The following TTLL7 variants were observed in gnomAD, a reference collection of about 807,000 sequenced individuals.
TTLL7 encodes the protein tubulin tyrosine ligase like 7.
A neutral mutation model predicts 120.2 loss-of-function variants in TTLL7; 53 were observed. The ratio of observed to expected loss-of-function variants is 0.44; its 90% CI spans 0.35 to 0.55. TTLL7 has a LOEUF of 0.55. TTLL7 is among the 20% of genes least tolerant of loss of function. TTLL7 has a pLI of 0.00. For synonymous variants in TTLL7, 353 were observed against 351.7 expected (o/e 1.00, Z -0.04); for missense variants, 803 against 1,054.7 (o/e 0.76, Z 3.31).
rs770380538 is a variant in TTLL7 at position 83,903,503 on chromosome 1, T to G, written c.2208+576A>C. ...TGGCGTCAGGACCCCCACTCCCAGATAGCAAAATCCATGGATGCTCAAGTC... is the reference window on the plus strand; with the variant it reads ...TGGCGTCAGGACCCCCACTCCCAGAGAGCAAAATCCATGGATGCTCAAGTC... On this transcript the variant is annotated intron_variant, in intron 18 of 20. Transcript: ENST00000260505. Among the ~76,000 whole-genome samples the G allele has an allele frequency of 2.0e-5, 3 of 152,124 alleles. No individual in the cohort carries two copies. The South Asian group carries it at 6.2e-4, about 32-fold the overall frequency.
chr1:83,884,945 A>G (rs1654858599), intron 19 of TTLL7: 2 of 154,850 alleles, frequency 1.3e-5, no homozygotes, highest in African/African-American at 4.8e-5. Flanking sequence ...TATTTAAGAA[A>G]CAGTAATTCG....
At chr1:83,902,405 C>T (rs142222279) in intron 18 of TTLL7, among the ~76,000 whole-genome samples, 46 of 152,054 alleles carry the variant, frequency 3.0e-4, no homozygotes, top group Non-Finnish European at 4.4e-4. Flanking sequence ...CCAAGTTTTA[C>T]TCCCCACCAC....
chr1:83,967,402 A>G (rs1162593283), intron 1 of TTLL7, among the ~76,000 whole-genome samples: 1 of 152,132 alleles, frequency 6.6e-6, no homozygotes. Context: ...AGGCAGCACA[A>G]TTCATTCAGA....
chr1:83,937,746 T>G lies in TTLL7; in HGVS notation c.888+106A>C, dbSNP rs1050184864. On this transcript the variant is annotated intron_variant, in intron 8 of 20. Transcript: ENST00000260505. ...TTTTTCTCTCTGGTCCTCTCAATTA[T>G]AGGGAACCAAGTTCAATCAACTCTT... is the stretch of plus-strand genomic sequence containing the variant. The G allele has an allele frequency of 4.5e-6, 6 of 1,345,382 alleles. No homozygotes were observed. In the Admixed American group the frequency reaches 1.1e-4, roughly 24 times the overall value. The allele number at this position is 1,345,382 out of a possible 1,614,324, so 83.3% of individuals were successfully genotyped here.
chr1:83,892,950 GA>G (rs1553129476), intron 18 of TTLL7, among the ~76,000 whole-genome samples: 10 of 89,244 alleles, frequency 1.1e-4, no homozygotes, highest in East Asian at 5.1e-4. Context: ...AAGAAAGAAA[GA>G]AAAGAATAAA....
chr1:83,952,324 TATC>T lies in TTLL7; in HGVS notation c.-116_-114del, dbSNP rs1416439072. ...ATGGCCCCAAATCACTGAAAGTTCT[TATC>T]ATATTATCTTGGTGGAATCCTCAGA... On this transcript the variant is annotated 5_prime_UTR_variant, in exon 2 of 21. The change abolishes an upstream ATG in the 5' untranslated region. Coordinates refer to ENST00000260505, the MANE Select transcript of TTLL7 (RefSeq NM_024686.6). The T allele has an allele frequency of 4.6e-6, 5 of 1,075,576 alleles. No individual in the cohort carries two copies. Among genetic ancestry groups the T allele is most frequent in the Non-Finnish European group, 6.8e-6 (5 of 740,606 alleles). 66.6% of individuals were successfully genotyped at this position (1,075,576 alleles called of 1,614,324 possible). A position where few individuals can be genotyped will look rare whatever the true frequency, so the allele number is the denominator to read the frequency against.
At chr1:83,986,399 G>A (rs1318934295) in intron 1 of TTLL7, among the ~76,000 whole-genome samples, 1 of 152,124 alleles carries the variant, frequency 6.6e-6, no homozygotes, top group Non-Finnish European at 1.5e-5. Context: ...ACTAAAAAAA[G>A]TATTTGATGT....
At chr1:83,880,961 G>A (rs1654399987) in intron 20 of TTLL7, among the ~76,000 whole-genome samples, 1 of 152,132 alleles carries the variant, frequency 6.6e-6, no homozygotes, top group South Asian at 2.1e-4. Flanking sequence ...TCCGATCTTT[G>A]AGAAACCTGA....
intron 1 of TTLL7, among the ~76,000 whole-genome samples, chr1:83,957,994 G>A (rs1469977303): frequency 6.6e-6 from 1 of 152,106 alleles, no homozygotes; most frequent in Non-Finnish European, 1.5e-5. Context: ...GTCTGCCCCT[G>A]GCTTCACAGA....
chr1:83,964,895 G>A (rs1416474041), intron 1 of TTLL7, among the ~76,000 whole-genome samples: 1 of 151,984 alleles, frequency 6.6e-6, no homozygotes. Context: ...TGCCTCATGG[G>A]ATTTAAATTT....
chr1:83,900,770 C>G (rs1313922942), intron 18 of TTLL7, among the ~76,000 whole-genome samples: 1 of 152,014 alleles, frequency 6.6e-6, no homozygotes, highest in Non-Finnish European at 1.5e-5. Flanking sequence ...ATGAACATGT[C>G]ATTTTAATAG....
chr1:83,916,879 C>T (rs1029740475), intron 14 of TTLL7, among the ~76,000 whole-genome samples: 2 of 151,964 alleles, frequency 1.3e-5, no homozygotes, highest in African/African-American at 4.8e-5. Context: ...CGCCTGAAAC[C>T]AGGGGTTCAA....
chr1:83,901,546 G>A (rs1449003372), intron 18 of TTLL7, among the ~76,000 whole-genome samples: 1 of 151,856 alleles, frequency 6.6e-6, no homozygotes, highest in Non-Finnish European at 1.5e-5. Flanking sequence ...TGGACTTAAG[G>A]AAATTCAGGG....
chr1:83,911,732 A>C (rs1270243239), intron 14 of TTLL7, among the ~76,000 whole-genome samples: 3 of 140,040 alleles, frequency 2.1e-5, no homozygotes, highest in Non-Finnish European at 4.8e-5. Flanking sequence ...ACTCATCAAG[A>C]CTCAGAGATC....
intron 20 of TTLL7, among the ~76,000 whole-genome samples, chr1:83,882,501 A>G (rs1654605805): frequency 6.6e-6 from 1 of 151,990 alleles, no homozygotes; most frequent in East Asian, 1.9e-4. Context: ...CTCATTTTTC[A>G]AATAGAACTT....
intron 18 of TTLL7, among the ~76,000 whole-genome samples, chr1:83,892,837 A>G (rs1655817285): frequency 6.6e-6 from 1 of 151,852 alleles, no homozygotes; most frequent in South Asian, 2.1e-4. Context: ...CATATATATG[A>G]ACACATATAT....
intron 1 of TTLL7, among the ~76,000 whole-genome samples, chr1:83,976,543 T>C (rs981056486): frequency 2.0e-5 from 3 of 152,108 alleles, no homozygotes; most frequent in Non-Finnish European, 4.4e-5. Context: ...AAATTATTAA[T>C]AATGAACTGC....
intron 1 of TTLL7, among the ~76,000 whole-genome samples, chr1:83,987,098 A>T (rs1652531949): frequency 6.6e-6 from 1 of 152,182 alleles, no homozygotes; most frequent in South Asian, 2.1e-4. Context: ...GGAAATGAAA[A>T]TTTAAAACAT....
chr1:83,921,153 C>G lies in TTLL7; in HGVS notation c.1298G>C (p.Arg433Thr). The G allele has an allele frequency of 6.2e-7, 1 of 1,612,222 alleles. No individual in the cohort carries two copies. Among genetic ancestry groups the G allele is most frequent in the Non-Finnish European group, 8.5e-7 (1 of 1,179,426 alleles). The change falls in exon 12 of 21, where the codon AGA (arginine) becomes ACA (threonine). Residue 433 changes from arginine (R) to threonine (T), a missense_variant. By Grantham distance (71) the Arg-to-Thr change is moderately conservative (BLOSUM62 -1). Around this residue, in one of 3 missense-constraint regions of TTLL7, gnomAD observed 324 missense variants for 507.7 expected, o/e 0.64. Transcript: ENST00000260505. ...LERRKEELKE[R>T]LAQVRKQISR... ...GATCTGCTTTCGTACTTGAGCGAGT[C>G]TCTCTTTCTGGAAATGAGAAAAATT...
Sources: allele counts gnomAD v4.1 joint callset (sites outside exome capture counted in the v4.1 genomes callset), GRCh38; gene constraint gnomAD v4.1.1; regional missense constraint gnomAD v4.1.1; transcripts MANE v1.5; gene names NCBI Gene and HGNC (gene_info 2026-07-23, HGNC 2026-07-21).